The following DGKB variants were observed in gnomAD, a reference collection of about 807,000 sequenced individuals.
The protein encoded by DGKB is diacylglycerol kinase beta, also known as 90 kDa diacylglycerol kinase.
Under a neutral mutation model 114.3 loss-of-function variants are expected in DGKB, and 67 were observed. The ratio of observed to expected loss-of-function variants is 0.59; its 90% CI spans 0.48 to 0.72. The LOEUF is 0.72. DGKB is among the 30% of genes least tolerant of loss of function. DGKB has a pLI of 0.00. For synonymous variants in DGKB, 398 were observed against 323.1 expected (o/e 1.23, Z -2.49); for missense variants, 907 against 975.2 (o/e 0.93, Z 0.93).
At chr7:14,400,611 A>T (rs1822951555) in intron 21 of DGKB, among the ~76,000 whole-genome samples, 1 of 151,604 alleles carries the variant, frequency 6.6e-6, no homozygotes. Context: ...CCAGTATTTA[A>T]TGGAGATCAA....
intron 1 of DGKB, among the ~76,000 whole-genome samples, chr7:14,890,548 AC>A (rs747926230): frequency 6.6e-6 from 1 of 151,552 alleles, no homozygotes; most frequent in Non-Finnish European, 1.5e-5. Flanking sequence ...GGAAATCATG[AC>A]AAAAATCTTT....
At chr7:14,201,615 A>T (rs1321919060) in intron 23 of DGKB, among the ~76,000 whole-genome samples, 2 of 151,884 alleles carry the variant, frequency 1.3e-5, no homozygotes, top group Non-Finnish European at 2.9e-5. Flanking sequence ...ACCAACTAAG[A>T]TGCAAAATCC....
intron 10 of DGKB, among the ~76,000 whole-genome samples, chr7:14,683,831 T>C (rs1348230556): frequency 1.3e-5 from 2 of 152,030 alleles, no homozygotes; most frequent in Non-Finnish European, 2.9e-5. Context: ...AAACATGTTT[T>C]CTCTTCTCCT....
chr7:14,771,015 G>C (rs1456222240), intron 2 of DGKB, among the ~76,000 whole-genome samples: 1 of 151,902 alleles, frequency 6.6e-6, no homozygotes, highest in Non-Finnish European at 1.5e-5. Flanking sequence ...GTATCTGAAG[G>C]AACTCCTCAC....
chr7:14,788,959 T>A (rs1483329078), intron 2 of DGKB, among the ~76,000 whole-genome samples: 1 of 151,994 alleles, frequency 6.6e-6, no homozygotes, highest in Non-Finnish European at 1.5e-5. Context: ...TAAAGCCCCC[T>A]CTGTGTCACA....
chr7:14,789,233 T>C (rs192622865), intron 2 of DGKB, among the ~76,000 whole-genome samples: 2 of 152,308 alleles, frequency 1.3e-5, no homozygotes, highest in Non-Finnish European at 2.9e-5. Context: ...TTGACATTGA[T>C]ATGATCAATA....
At chr7:14,455,699 G>C (rs1389978153) in intron 21 of DGKB, among the ~76,000 whole-genome samples, 1 of 151,876 alleles carries the variant, frequency 6.6e-6, no homozygotes, top group Non-Finnish European at 1.5e-5. Context: ...AACATTTAAA[G>C]GTATTTTAAA....
At chr7:14,436,117 G>C (rs1829220701) in intron 21 of DGKB, among the ~76,000 whole-genome samples, 1 of 152,170 alleles carries the variant, frequency 6.6e-6, no homozygotes, top group South Asian at 2.1e-4. Context: ...GATTATGCCA[G>C]ATAAAAAAAT....
chr7:14,797,270 T>G (rs1226727497), intron 2 of DGKB, among the ~76,000 whole-genome samples: 1 of 152,182 alleles, frequency 6.6e-6, no homozygotes, highest in Admixed American at 6.5e-5. Flanking sequence ...ACTCCTTGAA[T>G]GAAAGGTAGT....
chr7:14,279,188 G>A (rs545269449), intron 23 of DGKB, among the ~76,000 whole-genome samples: 2 of 152,220 alleles, frequency 1.3e-5, no homozygotes, highest in East Asian at 3.9e-4. Flanking sequence ...TTAAAAAATG[G>A]CGCACCACGA....
At chr7:14,422,451 A>G (rs1393066553) in intron 21 of DGKB, among the ~76,000 whole-genome samples, 3 of 152,084 alleles carry the variant, frequency 2.0e-5, no homozygotes, top group Non-Finnish European at 2.9e-5. Context: ...AATCAGAAAG[A>G]CTTAAACCCA....
At chr7:14,412,131 C>T (rs1563128399) in intron 21 of DGKB, among the ~76,000 whole-genome samples, 1 of 152,106 alleles carries the variant, frequency 6.6e-6, no homozygotes, top group Non-Finnish European at 1.5e-5. Flanking sequence ...TATGTGTATG[C>T]ATAGGCACAG....
intron 9 of DGKB, among the ~76,000 whole-genome samples, chr7:14,689,320 CT>C (rs1487192835): frequency 4.0e-5 from 6 of 150,514 alleles, no homozygotes; most frequent in East Asian, 4.0e-4. Flanking sequence ...ATTCTCCTGC[CT>C]TCACCCACTG....
At chr7:14,855,103 T>C (rs767152273) in intron 1 of DGKB, among the ~76,000 whole-genome samples, 15 of 152,284 alleles carry the variant, frequency 9.9e-5, no homozygotes, top group Non-Finnish European at 7.4e-5. Flanking sequence ...TTAAGACAAA[T>C]TCAAGGTGTG....
chr7:14,926,811 T>G (rs1361286032), intron 1 of DGKB, among the ~76,000 whole-genome samples: 1 of 152,032 alleles, frequency 6.6e-6, no homozygotes, highest in South Asian at 2.1e-4. Flanking sequence ...TCTTTTTTTG[T>G]GTTTTGTAAG....
At chr7:14,602,470 T>C (rs1047148297) in intron 17 of DGKB, among the ~76,000 whole-genome samples, 12 of 152,118 alleles carry the variant, frequency 7.9e-5, no homozygotes, top group African/African-American at 2.9e-4. Flanking sequence ...AGCAATAGTA[T>C]TGGGAGGTGG....
chr7:14,302,542 G>A (rs1023557644), intron 23 of DGKB, among the ~76,000 whole-genome samples: 7 of 151,986 alleles, frequency 4.6e-5, no homozygotes, highest in Non-Finnish European at 8.8e-5. Context: ...TTTACTCTAG[G>A]TACATGGAAT....
At chr7:14,569,658 T>C (rs944107620) in intron 20 of DGKB, among the ~76,000 whole-genome samples, 5 of 152,158 alleles carry the variant, frequency 3.3e-5, no homozygotes, top group African/African-American at 1.2e-4. Flanking sequence ...AATTCAATTG[T>C]AGCATGTATA....
At chr7:14,169,856 C>G (rs1780586732) in intron 25 of DGKB, among the ~76,000 whole-genome samples, 1 of 151,848 alleles carries the variant, frequency 6.6e-6, no homozygotes, top group Non-Finnish European at 1.5e-5. Context: ...TTAAGGCAGC[C>G]AGGTGCCATG....
Sources: gnomAD v4.1 joint callset for allele counts (sites outside exome capture counted in the v4.1 genomes callset) on GRCh38, gnomAD v4.1.1 for gene constraint, MANE v1.5 for transcripts, NCBI Gene and HGNC (gene_info 2026-07-23, HGNC 2026-07-21) for gene names.